The following CA10 variants were observed in gnomAD, a reference collection of about 807,000 sequenced individuals.
The protein encoded by CA10 is carbonic anhydrase 10 (inactive).
In CA10, 14 loss-of-function variants were observed where a neutral mutation model predicts 44.2. The observed-to-expected ratio is 0.32, with a 90% CI of 0.21 to 0.50. The LOEUF (loss-of-function observed/expected upper bound fraction) is 0.50. Ranked by LOEUF, CA10 falls within the 20% of genes least tolerant of loss-of-function variation. CA10 has a pLI of 0.99. For synonymous variants in CA10, 159 were observed against 141.6 expected (o/e 1.12, Z -0.87); for missense variants, 350 against 409.7 (o/e 0.85, Z 1.26).
intron 1 of CA10, among the ~76,000 whole-genome samples, chr17:52,131,898 A>G (rs1989248771): frequency 6.6e-6 from 1 of 152,092 alleles, no homozygotes; most frequent in Non-Finnish European, 1.5e-5. Context: ...TTCTCAGTAA[A>G]CTATAGCTAG....
chr17:51,821,523 A>G (rs1260138215), intron 3 of CA10, among the ~76,000 whole-genome samples: 1 of 151,954 alleles, frequency 6.6e-6, no homozygotes, highest in Admixed American at 6.6e-5. Context: ...CTCTCCCCAG[A>G]ACTAATTTGA....
intron 3 of CA10, among the ~76,000 whole-genome samples, chr17:51,862,411 C>G (rs896376365): frequency 4.0e-5 from 6 of 149,286 alleles, no homozygotes; most frequent in African/African-American, 1.5e-4. Flanking sequence ...ACAGAACCAG[C>G]CTTTAACTGG....
intron 2 of CA10, among the ~76,000 whole-genome samples, chr17:52,035,209 C>T (rs1166694205): frequency 1.3e-5 from 2 of 152,102 alleles, no homozygotes; most frequent in Non-Finnish European, 2.9e-5. Flanking sequence ...CCTATAAAGA[C>T]CCCAGAGTCA....
At chr17:52,105,743 A>G (rs1164772420) in intron 1 of CA10, among the ~76,000 whole-genome samples, 1 of 152,240 alleles carries the variant, frequency 6.6e-6, no homozygotes, top group African/African-American at 2.4e-5. Flanking sequence ...TAAAGCATTT[A>G]TTGAGCCCTT....
chr17:52,142,562 G>T (rs906156964), intron 1 of CA10, among the ~76,000 whole-genome samples: 5 of 151,878 alleles, frequency 3.3e-5, no homozygotes, highest in African/African-American at 1.2e-4. Context: ...CAACAGAAAT[G>T]AACTGTACAG....
intron 3 of CA10, among the ~76,000 whole-genome samples, chr17:51,846,374 ACTGT>A (rs377548457): frequency 6.6e-5 from 10 of 152,340 alleles, no homozygotes; most frequent in South Asian, 2.1e-4. Flanking sequence ...AGCTCTGATG[ACTGT>A]CTGAGTGTGG....
At chr17:51,797,312 A>G (rs1468222960) in intron 3 of CA10, among the ~76,000 whole-genome samples, 1 of 152,182 alleles carries the variant, frequency 6.6e-6, no homozygotes, top group Non-Finnish European at 1.5e-5. Flanking sequence ...TTCAAACTCT[A>G]TCTTGTTCTA....
chr17:51,642,287 A>G (rs1205926416), intron 6 of CA10, among the ~76,000 whole-genome samples: 1 of 152,228 alleles, frequency 6.6e-6, no homozygotes, highest in Non-Finnish European at 1.5e-5. Flanking sequence ...TCAATTAAGC[A>G]TAGAGAAAGG....
rs1259384106 is a variant in CA10 at position 51,735,979 on chromosome 17, C to T, written c.465+11654G>A. 3.9e-5 allele frequency among the ~76,000 whole-genome samples: 6 copies of T among 152,074 alleles called. No individual in the cohort carries two copies. In the East Asian group the frequency reaches 5.8e-4, roughly 15 times the overall value. ...CAGAAACTTTTTGGGTTGATGGAAG[C>T]GTTCTAGACCATTTTGGTCATGGTT... On this transcript the variant is annotated intron_variant, in intron 4 of 8. Coordinates refer to ENST00000451037, the MANE Select transcript of CA10 (RefSeq NM_020178.5).
chr17:51,667,885 G>A (rs980560259), intron 4 of CA10, among the ~76,000 whole-genome samples: 3 of 152,192 alleles, frequency 2.0e-5, no homozygotes, highest in African/African-American at 7.2e-5. Context: ...GGGAACAGGC[G>A]TGTGGGCACT....
chr17:51,725,917 CA>C (rs565205288), intron 4 of CA10, among the ~76,000 whole-genome samples: 4 of 152,134 alleles, frequency 2.6e-5, no homozygotes, highest in South Asian at 2.1e-4. Context: ...CCTCTAGGTA[CA>C]AAAAAATGTG....
At chr17:52,063,183 G>A (rs887276193) in intron 2 of CA10, among the ~76,000 whole-genome samples, 1 of 152,198 alleles carries the variant, frequency 6.6e-6, no homozygotes, top group African/African-American at 2.4e-5. Flanking sequence ...TTGTGAACGA[G>A]AATGTTTACC....
At chr17:51,675,772 G>T (rs924098706) in intron 4 of CA10, among the ~76,000 whole-genome samples, 3 of 151,980 alleles carry the variant, frequency 2.0e-5, no homozygotes, top group African/African-American at 7.3e-5. Flanking sequence ...TCAATCAGTA[G>T]TTCTCTTAGG....
At chr17:51,977,708 T>C (rs901022451) in intron 2 of CA10, among the ~76,000 whole-genome samples, 1 of 152,170 alleles carries the variant, frequency 6.6e-6, no homozygotes, top group East Asian at 1.9e-4. Flanking sequence ...GTAATAAAAA[T>C]AAATGGCATA....
At chr17:52,090,367 T>C (rs1256904507) in intron 1 of CA10, among the ~76,000 whole-genome samples, 2 of 152,192 alleles carry the variant, frequency 1.3e-5, no homozygotes, top group Non-Finnish European at 2.9e-5. Context: ...ATCAAAACTT[T>C]ATAAAGTTAT....
chr17:51,640,813 A>G (rs1314627459), intron 6 of CA10, among the ~76,000 whole-genome samples: 1 of 152,208 alleles, frequency 6.6e-6, no homozygotes, highest in Non-Finnish European at 1.5e-5. Context: ...GCAGAAAACC[A>G]TTGTTTGGTT....
At chr17:52,026,648 T>C (rs1986310438) in intron 2 of CA10, among the ~76,000 whole-genome samples, 1 of 152,094 alleles carries the variant, frequency 6.6e-6, no homozygotes, top group Non-Finnish European at 1.5e-5. Flanking sequence ...TCCTTCTTCA[T>C]GTGGTAGCAA....
chr17:52,099,981 G>A (rs1242565388), intron 1 of CA10, among the ~76,000 whole-genome samples: 1 of 152,168 alleles, frequency 6.6e-6, no homozygotes, highest in Non-Finnish European at 1.5e-5. Context: ...TGGTGGGGAG[G>A]AAAGTCTGAT....
intron 4 of CA10, among the ~76,000 whole-genome samples, chr17:51,664,941 T>C (rs1914154740): frequency 6.6e-6 from 1 of 152,160 alleles, no homozygotes; most frequent in South Asian, 2.1e-4. Context: ...AAGACTTTTC[T>C]AGCTCACTTC....
Sources: allele counts gnomAD v4.1 joint callset (sites outside exome capture counted in the v4.1 genomes callset), GRCh38; gene constraint gnomAD v4.1.1; transcripts MANE v1.5; gene names NCBI Gene and HGNC (gene_info 2026-07-23, HGNC 2026-07-21).